The following FHIT variants were observed in gnomAD, a reference collection of about 807,000 sequenced individuals.
The protein encoded by FHIT is bis(5'-adenosyl)-triphosphatase.
In FHIT, 19 loss-of-function variants were observed where a neutral mutation model predicts 17.9. The observed-to-expected ratio is 1.06, with a 90% CI of 0.74 to 1.56. FHIT has a LOEUF of 1.56. FHIT is among the 40% of genes most tolerant of loss of function. The pLI is 0.00. For missense variants in FHIT, 248 were observed against 189.2 expected, an observed-to-expected ratio of 1.31 and a Z score of -1.82; for synonymous variants, 81 against 69.7, an observed-to-expected ratio of 1.16 and a Z score of -0.81.
At chr3:60,890,853 C>G (rs1705479584) in intron 3 of FHIT, among the ~76,000 whole-genome samples, 1 of 152,044 alleles carries the variant, frequency 6.6e-6, no homozygotes, top group East Asian at 1.9e-4. Context: ...TTGGAGCCTC[C>G]CAGGGTTAAA....
chr3:60,055,106 C>T (rs1424464923), intron 5 of FHIT, among the ~76,000 whole-genome samples: 1 of 152,120 alleles, frequency 6.6e-6, no homozygotes, highest in Non-Finnish European at 1.5e-5. Context: ...AGCGTGGCCT[C>T]CTATCTTTTT....
chr3:60,426,138 A>G (rs1319426437), intron 5 of FHIT, among the ~76,000 whole-genome samples: 1 of 152,166 alleles, frequency 6.6e-6, no homozygotes, highest in Non-Finnish European at 1.5e-5. Flanking sequence ...TACCACTTAT[A>G]AGCTCATTGA....
intron 1 of FHIT, among the ~76,000 whole-genome samples, chr3:61,218,567 G>C (rs1003533538): frequency 5.3e-5 from 8 of 152,120 alleles, no homozygotes; most frequent in African/African-American, 1.9e-4. Flanking sequence ...ACAGAAAAAA[G>C]GCCGAGTATG....
chr3:60,179,999 G>C (rs1040668616), intron 5 of FHIT, among the ~76,000 whole-genome samples: 5 of 152,122 alleles, frequency 3.3e-5, no homozygotes, highest in African/African-American at 1.2e-4. Context: ...CCTCCACGGG[G>C]ACTATATGTA....
chr3:60,388,007 A>T (rs912908603), intron 5 of FHIT, among the ~76,000 whole-genome samples: 1 of 152,136 alleles, frequency 6.6e-6, no homozygotes, highest in Admixed American at 6.5e-5. Context: ...TGATCTGCAC[A>T]TACCAGTTCT....
chr3:59,974,459 A>G (rs1708322375), intron 7 of FHIT, among the ~76,000 whole-genome samples: 1 of 152,152 alleles, frequency 6.6e-6, no homozygotes, highest in South Asian at 2.1e-4. Flanking sequence ...GCCTAGTTCC[A>G]CTGACTATTC....
chr3:59,991,209 T>C (rs1709218219), intron 7 of FHIT, among the ~76,000 whole-genome samples: 1 of 152,078 alleles, frequency 6.6e-6, no homozygotes, highest in Non-Finnish European at 1.5e-5. Flanking sequence ...TGACATTGTA[T>C]AGTAGTGTCT....
chr3:60,356,981 TGA>T (rs768027862), intron 5 of FHIT, among the ~76,000 whole-genome samples: 108 of 152,202 alleles, frequency 7.1e-4, no homozygotes, highest in Non-Finnish European at 1.2e-3. Flanking sequence ...ATTCAACCAA[TGA>T]AGCTCTTAAA....
intron 8 of FHIT, among the ~76,000 whole-genome samples, chr3:59,805,930 A>C (rs1234852093): frequency 6.6e-6 from 1 of 152,036 alleles, no homozygotes. Context: ...GCCTGTAATC[A>C]CAGCACTTTG....
At chr3:60,492,059 G>C (rs997608756) in intron 5 of FHIT, among the ~76,000 whole-genome samples, 1 of 152,068 alleles carries the variant, frequency 6.6e-6, no homozygotes, top group Non-Finnish European at 1.5e-5. Context: ...TGACATCTCG[G>C]ACATAAATAT....
chr3:60,097,092 C>G (rs1428753608), intron 5 of FHIT, among the ~76,000 whole-genome samples: 1 of 150,462 alleles, frequency 6.6e-6, no homozygotes, highest in Non-Finnish European at 1.5e-5. Context: ...ATGTAGAGTA[C>G]CAGGTGGCCA....
intron 5 of FHIT, among the ~76,000 whole-genome samples, chr3:60,312,903 G>C (rs892229376): frequency 3.9e-5 from 6 of 152,156 alleles, no homozygotes; most frequent in African/African-American, 1.2e-4. Context: ...GAGAAAATGT[G>C]CTAATTGTGA....
intron 5 of FHIT, among the ~76,000 whole-genome samples, chr3:60,483,149 C>T (rs2362887): frequency 0.18 from 27,581 of 152,014 alleles, 4,225 homozygotes; most frequent in African/African-American, 0.41. Context: ...AATCCTTGAA[C>T]AGACCAATAA....
intron 4 of FHIT, among the ~76,000 whole-genome samples, chr3:60,656,151 T>G (rs2040110098): frequency 6.6e-6 from 1 of 152,160 alleles, no homozygotes; most frequent in Non-Finnish European, 1.5e-5. Context: ...TTTTATCTCA[T>G]CTGAAACTCA....
At chr3:59,958,256 C>T (rs1318260037) in intron 7 of FHIT, among the ~76,000 whole-genome samples, 2 of 152,288 alleles carry the variant, frequency 1.3e-5, no homozygotes, top group East Asian at 1.9e-4. Context: ...AATAGAGCTT[C>T]ATCTAATTCA....
intron 4 of FHIT, among the ~76,000 whole-genome samples, chr3:60,804,252 T>A (rs1391355595): frequency 2.0e-5 from 3 of 152,198 alleles, no homozygotes; most frequent in South Asian, 2.1e-4. Context: ...ATCCCCCTCA[T>A]GGTTATAGGA....
Position 60,496,007 on chromosome 3 carries a change from G to A in FHIT, c.103+40853C>T, listed in dbSNP as rs1258771425. On this transcript the variant is annotated intron_variant, in intron 5 of 9. Transcript: ENST00000492590. Reference sequence around the variant, plus strand: ...TATCACATATAAAAGATATCCAGATGATATCAAGGCACATATGGAAAAGAA... The same window carrying A: ...TATCACATATAAAAGATATCCAGATAATATCAAGGCACATATGGAAAAGAA... Among the ~76,000 whole-genome samples, 6 of 152,094 alleles carry A rather than the reference G, an allele frequency of 3.9e-5. No individual in the cohort carries two copies. In the South Asian group the frequency reaches 8.3e-4, roughly 21 times the overall value.
chr3:60,744,268 CAAAAA>C (rs374691493), intron 4 of FHIT, among the ~76,000 whole-genome samples: 2 of 80,082 alleles, frequency 2.5e-5, no homozygotes, highest in Admixed American at 1.4e-4. Flanking sequence ...CAAAACAAAA[CAAAAA>C]AAAAAAAAAA....
At chr3:61,105,430 T>G (rs753710647) in intron 2 of FHIT, among the ~76,000 whole-genome samples, 52 of 152,292 alleles carry the variant, frequency 3.4e-4, no homozygotes, top group Non-Finnish European at 6.0e-4. Flanking sequence ...ATTGCTTTAT[T>G]TTCACTAAGT....
Sources: gnomAD v4.1 joint callset for allele counts (sites outside exome capture counted in the v4.1 genomes callset) on GRCh38, gnomAD v4.1.1 for gene constraint, MANE v1.5 for transcripts, NCBI Gene and HGNC (gene_info 2026-07-23, HGNC 2026-07-21) for gene names.